The following EYA1 variants were observed in gnomAD, a reference collection of about 807,000 sequenced individuals.
EYA1 encodes the protein protein phosphatase EYA1.
In EYA1, 16 loss-of-function variants were observed where a neutral mutation model predicts 82.0. The ratio of observed to expected loss-of-function variants is 0.20; its 90% CI spans 0.13 to 0.30. The LOEUF (loss-of-function observed/expected upper bound fraction) is 0.30, where lower values mean the gene tolerates loss of function less well. Among genes scored for constraint, EYA1 ranks in the 10% least tolerant of loss-of-function variants. EYA1 has a pLI of 1.00. For synonymous variants in EYA1, 261 were observed against 264.4 expected, an observed-to-expected ratio of 0.99 and a Z score of 0.12; for missense variants, 633 against 730.7, an observed-to-expected ratio of 0.87 and a Z score of 1.54.
At chr8:71,292,767 C>T (rs543493861) in intron 9 of EYA1, among the ~76,000 whole-genome samples, 1 of 151,882 alleles carries the variant, frequency 6.6e-6, no homozygotes, top group South Asian at 2.1e-4. Flanking sequence ...AAAAGCAGAA[C>T]CCATCGAATT....
intron 4 of EYA1, among the ~76,000 whole-genome samples, chr8:71,331,493 A>ATATATG (rs1823862068): frequency 2.0e-5 from 3 of 148,660 alleles, no homozygotes; most frequent in Non-Finnish European, 4.5e-5. Flanking sequence ...AATGTTTTAT[A>ATATATG]TATATATATA....
intron 12 of EYA1, 115 bp from the exon 13 acceptor site, chr8:71,217,138 A>G (rs752721824): frequency 5.1e-6 from 4 of 783,680 alleles, no homozygotes; most frequent in South Asian, 1.5e-5. Flanking sequence ...GGATTTTTCA[A>G]CTATGTCAAT....
At chr8:71,436,540 T>G (rs1806026319) in intron 2 of EYA1, among the ~76,000 whole-genome samples, 1 of 152,134 alleles carries the variant, frequency 6.6e-6, no homozygotes. Flanking sequence ...AAAAACTAAA[T>G]TGGCAGAGTG....
chr8:71,498,078 T>A (rs1280669043), intron 2 of EYA1, among the ~76,000 whole-genome samples: 1 of 152,028 alleles, frequency 6.6e-6, no homozygotes, highest in African/African-American at 2.4e-5. Flanking sequence ...GGGGGGATGT[T>A]AATGAAAGGA....
chr8:71,276,221 A>T (rs1000392472), intron 9 of EYA1, among the ~76,000 whole-genome samples: 3 of 152,202 alleles, frequency 2.0e-5, no homozygotes, highest in African/African-American at 4.8e-5. Flanking sequence ...TGCACTAATA[A>T]TAAACAGTTA....
In EYA1 at chr8:71,410,723, T is replaced by C. The variant is rs1379312211; in HGVS notation, c.34-54212A>G. On this transcript the variant is annotated intron_variant, in intron 2 of 18. Coordinates refer to the EYA1 transcript ENST00000643681. Reference sequence around the variant, plus strand: ...AACTACAAACCACTGCTCAAGGAAATAAAAGAGGATAGAAACAAATGGAAG... The same window carrying C: ...AACTACAAACCACTGCTCAAGGAAACAAAAGAGGATAGAAACAAATGGAAG... Among the ~76,000 whole-genome samples, 70 of 149,486 alleles carry C rather than the reference T, an allele frequency of 4.7e-4. 1 individual carries two copies. The highest frequency in any genetic ancestry group is 4.1e-3 in the South Asian group (19 of 4,684).
intron 3 of EYA1, among the ~76,000 whole-genome samples, chr8:71,336,091 T>C (rs921879921): frequency 6.6e-6 from 1 of 152,152 alleles, no homozygotes; most frequent in African/African-American, 2.4e-5. Flanking sequence ...CATGCACACA[T>C]TAAAACCAAA....
chr8:71,440,270 G>A (rs560761546), intron 2 of EYA1, among the ~76,000 whole-genome samples: 27 of 152,176 alleles, frequency 1.8e-4, no homozygotes, highest in Non-Finnish European at 2.5e-4. Context: ...TTAAAGCTAT[G>A]GACAGCCATT....
At chr8:71,268,183 T>C (rs1381423170) in intron 11 of EYA1, among the ~76,000 whole-genome samples, 1 of 152,096 alleles carries the variant, frequency 6.6e-6, no homozygotes, top group Non-Finnish European at 1.5e-5. Context: ...TAACTCTCTT[T>C]TGCGTCAATT....
chr8:71,308,498 T>C (rs1215091133), intron 7 of EYA1, among the ~76,000 whole-genome samples: 1 of 152,122 alleles, frequency 6.6e-6, no homozygotes, highest in African/African-American at 2.4e-5. Flanking sequence ...GAAGATCCTA[T>C]ATGGGACATG....
At chr8:71,426,110 T>C (rs952869386) in intron 2 of EYA1, among the ~76,000 whole-genome samples, 2 of 152,236 alleles carry the variant, frequency 1.3e-5, no homozygotes, top group African/African-American at 4.8e-5. Flanking sequence ...TATGCATTTA[T>C]AAGTTAATCA....
intron 2 of EYA1, among the ~76,000 whole-genome samples, chr8:71,398,812 C>G (rs542353999): frequency 6.6e-6 from 1 of 152,246 alleles, no homozygotes; most frequent in Non-Finnish European, 1.5e-5. Context: ...AACCACTACT[C>G]TCTTCAAAGC....
At chr8:71,507,122 G>T (rs765251773) in intron 2 of EYA1, among the ~76,000 whole-genome samples, 4 of 152,100 alleles carry the variant, frequency 2.6e-5, no homozygotes, top group Admixed American at 2.0e-4. Context: ...CACTAGTCTA[G>T]CTCTTTACAC....
rs182375671 is a variant in EYA1, at chr8:71,532,429, C to T, written c.33+3315G>A. Among the ~76,000 whole-genome samples, 279 of 152,224 alleles carry T rather than the reference C, an allele frequency of 1.8e-3. 1 individual carries two copies. Among genetic ancestry groups the T allele is most frequent in the African/African-American group, 6.3e-3 (263 of 41,520 alleles). On this transcript the variant is annotated intron_variant, in intron 2 of 18. Transcript: ENST00000643681. ...CTGAAAGAAAGACATGAAGAGGCATCGCCACCTTCTCTTTTGATCTTGTCA... is the reference window on the plus strand; with the variant it reads ...CTGAAAGAAAGACATGAAGAGGCATTGCCACCTTCTCTTTTGATCTTGTCA...
chr8:71,236,804 T>C (rs1811891876), intron 12 of EYA1, among the ~76,000 whole-genome samples: 1 of 152,240 alleles, frequency 6.6e-6, no homozygotes, highest in African/African-American at 2.4e-5. Flanking sequence ...CAAATGCTTA[T>C]TGCTATTATC....
intron 4 of EYA1, among the ~76,000 whole-genome samples, chr8:71,323,367 C>T (rs1198646518): frequency 6.6e-6 from 1 of 152,114 alleles, no homozygotes; most frequent in Non-Finnish European, 1.5e-5. Flanking sequence ...TTCTATTCTA[C>T]ACTAAAATCC....
At chr8:71,431,418 T>G (rs1326785872) in intron 2 of EYA1, among the ~76,000 whole-genome samples, 1 of 152,140 alleles carries the variant, frequency 6.6e-6, no homozygotes, top group African/African-American at 2.4e-5. Flanking sequence ...GACTAGAAAT[T>G]CCTAATGTCA....
chr8:71,413,666 A>T (rs1830719241), intron 2 of EYA1, among the ~76,000 whole-genome samples: 1 of 152,216 alleles, frequency 6.6e-6, no homozygotes, highest in Non-Finnish European at 1.5e-5. Context: ...AAAATAAGGT[A>T]TCCCAATTGT....
intron 2 of EYA1, among the ~76,000 whole-genome samples, chr8:71,483,075 C>A (rs951556987): frequency 7.9e-5 from 12 of 152,196 alleles, no homozygotes; most frequent in African/African-American, 2.9e-4. Flanking sequence ...TGAGTGGCTC[C>A]CATTTCACTT....
Sources: allele counts gnomAD v4.1 joint callset (sites outside exome capture counted in the v4.1 genomes callset), GRCh38; gene constraint gnomAD v4.1.1; transcripts MANE v1.5; gene names NCBI Gene and HGNC (gene_info 2026-07-23, HGNC 2026-07-21).